The following NXPE4 variants were observed in gnomAD, a reference collection of about 807,000 sequenced individuals.
The protein encoded by NXPE4 is NXPE family member 4.
In NXPE4, 42 loss-of-function variants were observed where a neutral mutation model predicts 33.3. The ratio of observed to expected loss-of-function variants is 1.26; its 90% CI spans 0.98 to 1.63. The LOEUF (loss-of-function observed/expected upper bound fraction) is 1.63. NXPE4 is among the 40% of genes most tolerant of loss of function. The pLI, the probability that NXPE4 is intolerant of heterozygous loss-of-function variation, is 0.00. For synonymous variants in NXPE4, 253 were observed against 234.9 expected (o/e 1.08, Z -0.71); for missense variants, 709 against 647.6 (o/e 1.09, Z -1.03).
the NXPE4 span, among the ~76,000 whole-genome samples, chr11:114,671,891 AG>A: frequency 6.6e-6 from 1 of 152,198 alleles, no homozygotes; most frequent in Non-Finnish European, 1.5e-5. Context: ...ACTGCTATAA[AG>A]ACATACCTGA....
the NXPE4 span, among the ~76,000 whole-genome samples, chr11:114,619,626 G>A: frequency 6.6e-6 from 1 of 151,268 alleles, no homozygotes; most frequent in Non-Finnish European, 1.5e-5. Flanking sequence ...GTGTTGCCTC[G>A]TGGGTAACCA....
chr11:114,636,888 T>A, the NXPE4 span, among the ~76,000 whole-genome samples: 9 of 152,092 alleles, frequency 5.9e-5, no homozygotes, highest in Non-Finnish European at 1.5e-5. Context: ...TCCAAGTATA[T>A]GGTCAATTTT....
the NXPE4 span, among the ~76,000 whole-genome samples, chr11:114,643,746 T>C: frequency 6.6e-6 from 1 of 152,134 alleles, no homozygotes; most frequent in East Asian, 1.9e-4. Context: ...TATGGGCTCT[T>C]TTTTGGTACC....
At chr11:114,637,896 A>T in the NXPE4 span, among the ~76,000 whole-genome samples, 1 of 151,666 alleles carries the variant, frequency 6.6e-6, no homozygotes, top group African/African-American at 2.4e-5. Context: ...TGCCCTTAAC[A>T]TTTTTTCCTT....
At chr11:114,619,065 G>A in the NXPE4 span, among the ~76,000 whole-genome samples, 10 of 151,830 alleles carry the variant, frequency 6.6e-5, no homozygotes, top group Admixed American at 5.3e-4. Context: ...GTTACCTGGT[G>A]GATAATAAGT....
intron 5 of NXPE4, among the ~76,000 whole-genome samples, chr11:114,576,992 C>CGT (rs1377697437): frequency 1.2e-4 from 11 of 88,980 alleles, no homozygotes; most frequent in Non-Finnish European, 1.8e-4. Flanking sequence ...TATATATATA[C>CGT]ATATATATAT....
the NXPE4 span, among the ~76,000 whole-genome samples, chr11:114,626,100 G>A: frequency 2.0e-5 from 3 of 152,136 alleles, no homozygotes; most frequent in Non-Finnish European, 4.4e-5. Flanking sequence ...GGCTGGGAGA[G>A]GGGCGCCCGC....
chr11:114,653,110 T>A, the NXPE4 span, among the ~76,000 whole-genome samples: 1 of 152,214 alleles, frequency 6.6e-6, no homozygotes, highest in Admixed American at 6.5e-5. Flanking sequence ...AACAAGGGTT[T>A]TCTAAGAAGC....
chr11:114,601,673 A>C, the NXPE4 span, among the ~76,000 whole-genome samples: 585 of 43,112 alleles, frequency 0.014, 65 homozygotes, highest in Non-Finnish European at 0.017. Flanking sequence ...ATTATATATT[A>C]TAATTATAGA....
At chr11:114,667,136 A>G in the NXPE4 span, among the ~76,000 whole-genome samples, 1 of 152,114 alleles carries the variant, frequency 6.6e-6, no homozygotes, top group Non-Finnish European at 1.5e-5. Flanking sequence ...ATCTGTATAC[A>G]TGAAGATATT....
chr11:114,617,998 AACCAGTGTT>A, the NXPE4 span, among the ~76,000 whole-genome samples: 4 of 152,098 alleles, frequency 2.6e-5, no homozygotes, highest in South Asian at 8.3e-4. Flanking sequence ...CCTCGTGGGT[AACCAGTGTT>A]ACCCGCTGGA....
chr11:114,653,851 C>T, the NXPE4 span, among the ~76,000 whole-genome samples: 135 of 152,160 alleles, frequency 8.9e-4, no homozygotes, highest in Non-Finnish European at 1.4e-3. Context: ...TTTCTACCTA[C>T]CTCTAGAAAG....
At chr11:114,608,268 G>A in the NXPE4 span, among the ~76,000 whole-genome samples, 5 of 151,644 alleles carry the variant, frequency 3.3e-5, no homozygotes, top group Non-Finnish European at 7.4e-5. Flanking sequence ...TTGCCTTGTG[G>A]GTAACCACTG....
the NXPE4 span, among the ~76,000 whole-genome samples, chr11:114,612,411 G>A: frequency 0.085 from 12,866 of 151,634 alleles, 657 homozygotes; most frequent in Middle Eastern, 0.19. Context: ...ACTGTTACCC[G>A]GTGGATAATA....
intron 5 of NXPE4, among the ~76,000 whole-genome samples, chr11:114,576,757 A>G (rs1209971626): frequency 2.6e-5 from 4 of 151,938 alleles, no homozygotes; most frequent in Admixed American, 6.6e-5. Flanking sequence ...AACTAGTGTA[A>G]CCACTAAGAA....
the NXPE4 span, among the ~76,000 whole-genome samples, chr11:114,635,695 A>T: frequency 6.6e-6 from 1 of 151,934 alleles, no homozygotes; most frequent in South Asian, 2.1e-4. Context: ...ATTTTGTCAA[A>T]GGCCTTTTCT....
At chr11:114,631,409 A>G in the NXPE4 span, among the ~76,000 whole-genome samples, 17 of 151,566 alleles carry the variant, frequency 1.1e-4, no homozygotes, top group Admixed American at 3.3e-4. Flanking sequence ...CATTCTCAGT[A>G]AACTATCGCA....
At chr11:114,655,092 T>C in the NXPE4 span, among the ~76,000 whole-genome samples, 1 of 152,196 alleles carries the variant, frequency 6.6e-6, no homozygotes, top group Admixed American at 6.5e-5. Flanking sequence ...CTTTTTTTTC[T>C]TCATATGTTT....
the NXPE4 span, among the ~76,000 whole-genome samples, chr11:114,649,988 G>A: frequency 6.6e-6 from 1 of 152,118 alleles, no homozygotes; most frequent in Non-Finnish European, 1.5e-5. Flanking sequence ...ATCCCATAGA[G>A]TTCTATTTTA....
Sources: allele counts gnomAD v4.1 joint callset (sites outside exome capture counted in the v4.1 genomes callset), GRCh38; gene constraint gnomAD v4.1.1; transcripts MANE v1.5; gene names NCBI Gene and HGNC (gene_info 2026-07-23, HGNC 2026-07-21).